Variants in SPATA13 observed in about 807,000 individuals in gnomAD.
The protein encoded by SPATA13 is spermatogenesis-associated protein 13.
A neutral mutation model predicts 104.0 loss-of-function variants in SPATA13; 50 were observed. The observed-to-expected ratio is 0.48, with a 90% CI of 0.38 to 0.61. The LOEUF is 0.61. Among genes scored for constraint, SPATA13 ranks in the 20% least tolerant of loss-of-function variants. The pLI is 0.00. For synonymous variants in SPATA13, 606 were observed against 667.5 expected, an observed-to-expected ratio of 0.91 and a Z score of 1.42; for missense variants, 1,524 against 1,690.6, an observed-to-expected ratio of 0.90 and a Z score of 1.73.
chr13:24,299,320 C>G (rs546633228), intron 11 of SPATA13, among the ~76,000 whole-genome samples: 3 of 152,282 alleles, frequency 2.0e-5, no homozygotes, highest in African/African-American at 7.2e-5. Context: ...GGCCAGTGCT[C>G]AGAGATGCAA....
At chr13:24,202,526 T>C (rs1427367157) in intron 1 of SPATA13, among the ~76,000 whole-genome samples, 65 of 148,336 alleles carry the variant, frequency 4.4e-4, no homozygotes, top group African/African-American at 1.2e-3. Context: ...TTCCCTTTTT[T>C]TTTTTTTTTT....
intron 2 of SPATA13, among the ~76,000 whole-genome samples, chr13:23,991,616 A>G (rs749815303): frequency 6.6e-6 from 1 of 152,144 alleles, no homozygotes. Context: ...CAATGCATTG[A>G]TAAGACTCAT....
At chr13:24,089,510 T>C (rs1426149384) in intron 3 of SPATA13, among the ~76,000 whole-genome samples, 1 of 152,256 alleles carries the variant, frequency 6.6e-6, no homozygotes, top group African/African-American at 2.4e-5. Flanking sequence ...ATGGAGTCTC[T>C]ATACAATATG....
intron 2 of SPATA13, among the ~76,000 whole-genome samples, chr13:24,228,173 G>A (rs1872060539): frequency 6.8e-6 from 1 of 146,534 alleles, no homozygotes; most frequent in African/African-American, 2.6e-5. Context: ...GAGTGCAGTG[G>A]CGTAATCTCG....
intron 1 of SPATA13, chr13:24,162,544 G>A (rs771618767): frequency 6.4e-6 from 1 of 155,844 alleles, no homozygotes; most frequent in Non-Finnish European, 1.5e-5. Flanking sequence ...CCTCCCTTCT[G>A]CCACTGCTTC....
intron 3 of SPATA13, among the ~76,000 whole-genome samples, chr13:24,074,621 A>G (rs1453824930): frequency 2.2e-5 from 3 of 135,078 alleles, no homozygotes; most frequent in Non-Finnish European, 3.2e-5. Flanking sequence ...AATTTTACCA[A>G]TGAGGAGTAA....
chr13:24,057,050 G>T (rs1197588052), intron 3 of SPATA13, among the ~76,000 whole-genome samples: 3 of 137,240 alleles, frequency 2.2e-5, no homozygotes, highest in Non-Finnish European at 4.7e-5. Context: ...ATAGCGTCTG[G>T]CTCTTTCTTT....
chr13:24,103,658 G>A (rs566119810), intron 3 of SPATA13, among the ~76,000 whole-genome samples: 32 of 151,968 alleles, frequency 2.1e-4, no homozygotes, highest in Admixed American at 1.3e-4. Flanking sequence ...ACATATAGGT[G>A]CACTAGATGT....
intron 2 of SPATA13, among the ~76,000 whole-genome samples, chr13:23,994,429 G>T (rs1006611707): frequency 6.6e-6 from 1 of 152,198 alleles, no homozygotes; most frequent in Non-Finnish European, 1.5e-5. Context: ...GGAGGATGAG[G>T]TATCATCCTT....
In SPATA13 at chr13:24,235,101, A is replaced by G. The variant is rs567428963; in HGVS notation, c.1653+10519A>G. ...AGAAATCATTGTTATGATTGAAATTATTTCCTTTGGTCAAACATTTCAGTA... is the reference window on the plus strand; with the variant it reads ...AGAAATCATTGTTATGATTGAAATTGTTTCCTTTGGTCAAACATTTCAGTA... On this transcript the variant is annotated intron_variant, in intron 2 of 12. Coordinates refer to ENST00000382108, the MANE Select transcript of SPATA13 (RefSeq NM_001166271.3). Among the ~76,000 whole-genome samples the G allele has an allele frequency of 2.6e-5, 4 of 152,300 alleles. No individual in the cohort carries two copies. The East Asian group carries it at 7.7e-4, about 29-fold the overall frequency.
intron 3 of SPATA13, among the ~76,000 whole-genome samples, chr13:24,029,028 G>GT (rs533128922): frequency 6.6e-6 from 1 of 151,764 alleles, no homozygotes; most frequent in Non-Finnish European, 1.5e-5. Flanking sequence ...CTCGTATGTG[G>GT]TTTTTTTGTT....
chr13:24,219,133 G>A (rs891698047), intron 1 of SPATA13, among the ~76,000 whole-genome samples: 2 of 152,082 alleles, frequency 1.3e-5, no homozygotes, highest in Non-Finnish European at 2.9e-5. Context: ...CTCTGGCAGA[G>A]TTCCCACAAT....
chr13:24,214,844 T>G (rs1258989900), intron 1 of SPATA13, among the ~76,000 whole-genome samples: 1 of 152,232 alleles, frequency 6.6e-6, no homozygotes, highest in African/African-American at 2.4e-5. Flanking sequence ...ATTTAAGTAT[T>G]AGTGATTCTT....
At chr13:24,112,238 C>T (rs149118246) in intron 3 of SPATA13, among the ~76,000 whole-genome samples, 1 of 152,316 alleles carries the variant, frequency 6.6e-6, no homozygotes, top group Non-Finnish European at 1.5e-5. Context: ...TCTCCTCTGG[C>T]ATTGTAGCAA....
At chr13:23,993,628 C>T (rs142722095) in intron 2 of SPATA13, among the ~76,000 whole-genome samples, 18 of 152,318 alleles carry the variant, frequency 1.2e-4, no homozygotes, top group African/African-American at 3.1e-4. Context: ...CAGACCCCTG[C>T]GTGACATTGT....
chr13:23,984,823 A>G (rs1593256813), intron 2 of SPATA13, among the ~76,000 whole-genome samples: 1 of 152,376 alleles, frequency 6.6e-6, no homozygotes, highest in East Asian at 1.9e-4. Context: ...ATACTTAATT[A>G]GAACAGGGAT....
chr13:24,122,369 C>T (rs9551064), intron 3 of SPATA13: 133,444 of 1,557,646 alleles, frequency 0.086, 8,021 homozygotes, highest in East Asian at 0.31. Context: ...ACAGGGTTAT[C>T]TTCATCATCA....
At chr13:23,982,482 A>T (rs1396650749) in intron 1 of SPATA13, among the ~76,000 whole-genome samples, 6 of 152,194 alleles carry the variant, frequency 3.9e-5, no homozygotes, top group Non-Finnish European at 8.8e-5. Flanking sequence ...GCAAAAATAA[A>T]CTTTACCGGA....
At chr13:24,142,153 G>A (rs1297652035) in intron 3 of SPATA13, among the ~76,000 whole-genome samples, 1 of 151,122 alleles carries the variant, frequency 6.6e-6, no homozygotes, top group East Asian at 1.9e-4. Context: ...AGGACAGAGG[G>A]GTCTTATGTA....
Sources: gnomAD v4.1 joint callset for allele counts (sites outside exome capture counted in the v4.1 genomes callset) on GRCh38, gnomAD v4.1.1 for gene constraint, MANE v1.5 for transcripts, NCBI Gene and HGNC (gene_info 2026-07-23, HGNC 2026-07-21) for gene names.